The following ZBTB16 variants were observed in gnomAD, a reference collection of about 807,000 sequenced individuals.
ZBTB16 encodes the protein zinc finger and BTB domain containing 16.
ZBTB16 carries 8 observed loss-of-function variants against 56.8 expected under a neutral mutation model. That is an observed-to-expected ratio of 0.14 (90% confidence interval 0.08 to 0.25). The LOEUF (loss-of-function observed/expected upper bound fraction) is 0.25. Ranked by LOEUF, ZBTB16 falls within the 10% of genes least tolerant of loss-of-function variation. The pLI is 1.00. For synonymous variants in ZBTB16, 363 were observed against 368.5 expected (o/e 0.98, Z 0.17); for missense variants, 625 against 903.0 (o/e 0.69, Z 3.95).
intron 4 of ZBTB16, among the ~76,000 whole-genome samples, chr11:114,195,247 G>A (rs1290453132): frequency 3.3e-5 from 5 of 152,158 alleles, no homozygotes; most frequent in African/African-American, 9.7e-5. Context: ...CATGCCCTCG[G>A]GAGAAAATGG....
At chr11:114,186,912 G>T in intron 3 of ZBTB16, 40 bp from the exon 4 acceptor site, 1 of 1,597,930 alleles carries the variant, frequency 6.3e-7, no homozygotes, top group Non-Finnish European at 8.6e-7. Context: ...CTCACCAGTG[G>T]ACTATTGCTC....
chr11:114,067,007 C>T (rs907403830), intron 2 of ZBTB16, among the ~76,000 whole-genome samples: 1 of 151,984 alleles, frequency 6.6e-6, no homozygotes, highest in Non-Finnish European at 1.5e-5. Context: ...CTTGACCTTG[C>T]GATCCATCCA....
At chr11:114,073,315 A>T (rs1259148741) in intron 2 of ZBTB16, among the ~76,000 whole-genome samples, 1 of 152,210 alleles carries the variant, frequency 6.6e-6, no homozygotes, top group East Asian at 1.9e-4. Flanking sequence ...GAGGCCTTTT[A>T]TGCTGACTTG....
chr11:114,244,564 C>G (rs895130353), intron 5 of ZBTB16, among the ~76,000 whole-genome samples: 1 of 152,122 alleles, frequency 6.6e-6, no homozygotes, highest in Non-Finnish European at 1.5e-5. Flanking sequence ...GTGAAGATTT[C>G]ACGCCAGGTG....
chr11:114,125,440 A>G (rs909451630), intron 2 of ZBTB16, among the ~76,000 whole-genome samples: 3 of 152,172 alleles, frequency 2.0e-5, no homozygotes, highest in African/African-American at 7.2e-5. Flanking sequence ...GAGGTGAGAA[A>G]GCTGTGGCCC....
Position 114,059,848 on chromosome 11 carries a change from C to G in ZBTB16, c.-125C>G. On this transcript the variant is annotated 5_prime_UTR_variant, in exon 1 of 7. Coordinates refer to ENST00000335953, the MANE Select transcript of ZBTB16 (RefSeq NM_006006.6). This position sits in a 1 kb window ranked among gnomAD's most constrained non-coding sequence, Gnocchi z 5.3. Reference sequence around the variant, plus strand: ...ACAGGCACACACCCCCCGACAGGCACGCACACCCACCCCACAGTGCCCGGC... The same window carrying G: ...ACAGGCACACACCCCCCGACAGGCAGGCACACCCACCCCACAGTGCCCGGC... 1 of 397,892 alleles carries G rather than the reference C, an allele frequency of 2.5e-6. No individual in the cohort carries two copies. The highest frequency in any genetic ancestry group is 3.6e-5 in the East Asian group (1 of 27,994). The allele number at this position is 397,892 out of a possible 1,614,324, so 24.6% of individuals were successfully genotyped here. A position where few individuals can be genotyped will look rare whatever the true frequency, so the allele number is the denominator to read the frequency against.
chr11:114,233,108 C>G (rs1162053706), intron 4 of ZBTB16, among the ~76,000 whole-genome samples: 27 of 43,670 alleles, frequency 6.2e-4, no homozygotes, highest in African/African-American at 1.4e-3. Flanking sequence ...CACACACACA[C>G]ACACACACAC....
At chr11:114,061,810 G>A (rs1416040054) in intron 1 of ZBTB16, among the ~76,000 whole-genome samples, 11 of 152,056 alleles carry the variant, frequency 7.2e-5, no homozygotes, top group Non-Finnish European at 4.4e-5. Context: ...CACACCACAG[G>A]TGCTGGTGCC....
At position 114,139,927 on chromosome 11, in the gene ZBTB16, C is replaced by T. The variant is rs575890585; in HGVS notation, c.1269-16410C>T. 3.2e-4 allele frequency among the ~76,000 whole-genome samples: 49 copies of T among 152,238 alleles called. 1 individual carries two copies. The South Asian group carries it at 3.7e-3, about 12-fold the overall frequency. On this transcript the variant is annotated intron_variant, in intron 2 of 6. Coordinates refer to ENST00000335953, the MANE Select transcript of ZBTB16 (RefSeq NM_006006.6). ...TATGTCAGGATAGGAAGGACGGCAC[C>T]GAGGGCTCCTAGAGCGTGTCAGACC...
At chr11:114,089,266 G>A (rs1940089044) in intron 2 of ZBTB16, among the ~76,000 whole-genome samples, 1 of 152,136 alleles carries the variant, frequency 6.6e-6, no homozygotes, top group Non-Finnish European at 1.5e-5. Context: ...AGGCAGGGAT[G>A]TCTCATTTGT....
intron 4 of ZBTB16, among the ~76,000 whole-genome samples, chr11:114,201,161 A>G (rs1047343980): frequency 2.0e-5 from 3 of 152,240 alleles, no homozygotes; most frequent in Admixed American, 1.3e-4. Flanking sequence ...AGATAATTGT[A>G]CCATCATTAA....
At chr11:114,195,499 A>T (rs369989018) in intron 4 of ZBTB16, among the ~76,000 whole-genome samples, 10 of 152,234 alleles carry the variant, frequency 6.6e-5, no homozygotes, top group African/African-American at 2.4e-4. Flanking sequence ...GGATGGGATG[A>T]TCTCTAGAGG....
Position 114,255,815 on chromosome 11 carries a change from A to G in ZBTB16, c.*5260A>G, listed in dbSNP as rs1314433372. ...TCACTAAGTGAAGTTTGTGCCTTCTATAGCAAAGAGAATATTTTTTACATC... is the reference window on the plus strand; with the variant it reads ...TCACTAAGTGAAGTTTGTGCCTTCTGTAGCAAAGAGAATATTTTTTACATC... On this transcript the variant is annotated 3_prime_UTR_variant, in exon 7 of 7. Transcript: ENST00000335953. Among the ~76,000 whole-genome samples the G allele has an allele frequency of 6.6e-6, 1 of 151,602 alleles. No individual in the cohort carries two copies. The highest frequency in any genetic ancestry group is 1.5e-5 in the Non-Finnish European group (1 of 67,962).
intron 6 of ZBTB16, among the ~76,000 whole-genome samples, chr11:114,249,686 A>T (rs1944882531): frequency 7.2e-6 from 1 of 138,122 alleles, no homozygotes; most frequent in African/African-American, 2.7e-5. Context: ...AATGGCGTGA[A>T]CCCGGGAAGC....
chr11:114,201,801 A>G (rs1004712474), intron 4 of ZBTB16, among the ~76,000 whole-genome samples: 7 of 152,216 alleles, frequency 4.6e-5, no homozygotes, highest in African/African-American at 1.7e-4. Flanking sequence ...TTATAGGGCA[A>G]AGGTGTTCTA....
chr11:114,255,486 C>T lies in ZBTB16; in HGVS notation c.*4931C>T, dbSNP rs1200863457. 6.7e-6 allele frequency among the ~76,000 whole-genome samples: 1 copy of T among 150,222 alleles called. No individual in the cohort carries two copies. The highest frequency in any genetic ancestry group is 1.5e-5 in the Non-Finnish European group (1 of 67,934). On this transcript the variant is annotated 3_prime_UTR_variant, in exon 7 of 7. Coordinates refer to ENST00000335953, the MANE Select transcript of ZBTB16 (RefSeq NM_006006.6). ...TCCCTCTCCCGCCCTCCCCTCCTCCCTCTGGCTCCCCGTCTCATTTCTGTC... is the reference window on the plus strand; with the variant it reads ...TCCCTCTCCCGCCCTCCCCTCCTCCTTCTGGCTCCCCGTCTCATTTCTGTC...
rs138633520 is a variant in ZBTB16, at chr11:114,074,736, A to G, written c.1268+10168A>G. Among the ~76,000 whole-genome samples, 18 of 152,318 alleles carry G rather than the reference A, an allele frequency of 1.2e-4. No homozygotes were observed. The East Asian group carries it at 3.5e-3, about 29-fold the overall frequency. Reference sequence around the variant, plus strand: ...GTGCGAGGAAGTTCCTATTAGCTTTATGGTCAGGAGAACTTGTCCTGTTCA... The same window carrying G: ...GTGCGAGGAAGTTCCTATTAGCTTTGTGGTCAGGAGAACTTGTCCTGTTCA... On this transcript the variant is annotated intron_variant, in intron 2 of 6. Transcript: ENST00000335953.
chr11:114,183,449 C>A (rs1943296733), intron 3 of ZBTB16, among the ~76,000 whole-genome samples: 1 of 152,168 alleles, frequency 6.6e-6, no homozygotes, highest in Admixed American at 6.5e-5. Context: ...CTCTCTGCTT[C>A]TCAGTCATTA....
intron 4 of ZBTB16, among the ~76,000 whole-genome samples, chr11:114,213,111 T>C (rs1944028597): frequency 6.6e-6 from 1 of 151,506 alleles, no homozygotes. Context: ...CCAGGACACC[T>C]CAGTCCACTG....
Sources: gnomAD v4.1 joint callset for allele counts (sites outside exome capture counted in the v4.1 genomes callset) on GRCh38, gnomAD v4.1.1 for gene constraint, Gnocchi (gnomAD v3.1) non-coding constraint, MANE v1.5 for transcripts, NCBI Gene and HGNC (gene_info 2026-07-23, HGNC 2026-07-21) for gene names.